OR3A2: variants seen among roughly 807,000 people sequenced by gnomAD.
OR3A2 encodes the protein olfactory receptor family 3 subfamily A member 2.
For missense variants in OR3A2, 318 were observed against 392.8 expected (o/e 0.81, Z 1.61); for synonymous variants, 126 against 159.3 (o/e 0.79, Z 1.57).
intron 3 of OR3A2, among the ~76,000 whole-genome samples, chr17:3,308,319 C>T (rs2049013122): frequency 2.0e-5 from 3 of 152,112 alleles, no homozygotes. Context: ...CCTTTATAAG[C>T]CATCCCCTCT....
intron 2 of OR3A2, among the ~76,000 whole-genome samples, chr17:3,376,962 T>G (rs1368933147): frequency 1.3e-5 from 2 of 152,218 alleles, no homozygotes; most frequent in African/African-American, 4.8e-5. Flanking sequence ...GCTTTAGCTC[T>G]AGGTAAGGTT....
At chr17:3,372,798 T>C (rs1463955632) in intron 2 of OR3A2, among the ~76,000 whole-genome samples, 3 of 144,930 alleles carry the variant, frequency 2.1e-5, no homozygotes, top group African/African-American at 7.7e-5. Flanking sequence ...CGGCTCGGCA[T>C]CAGAGGGAGA....
chr17:3,364,035 C>T (rs762397974), intron 2 of OR3A2, among the ~76,000 whole-genome samples: 2 of 152,106 alleles, frequency 1.3e-5, no homozygotes, highest in Non-Finnish European at 2.9e-5. Context: ...TGGGAGGGGA[C>T]ACAAAGCCAA....
At chr17:3,355,727 C>T (rs2049461510) in intron 2 of OR3A2, among the ~76,000 whole-genome samples, 1 of 151,312 alleles carries the variant, frequency 6.6e-6, no homozygotes, top group Admixed American at 6.6e-5. Context: ...AGTGTGTTTA[C>T]TGTAAGCAAG....
rs7218125 is a variant in OR3A2 at position 3,292,309 on chromosome 17, T to A, written c.-84-13156A>T. ...CAGGCCCCACAGGGAACTGCACGCTTGCGGGACAGGAGACGACTCAACATT... is the reference window on the plus strand; with the variant it reads ...CAGGCCCCACAGGGAACTGCACGCTAGCGGGACAGGAGACGACTCAACATT... On this transcript the variant is annotated intron_variant, in intron 3 of 4. Coordinates refer to the OR3A2 transcript ENST00000573491. 4.0e-3 allele frequency: 6,395 copies of A among 1,613,816 alleles called. 135 individuals carry two copies. The African/African-American group carries it at 0.062, about 16-fold the overall frequency.
At chr17:3,350,637 T>C (rs1264811260) in intron 2 of OR3A2, among the ~76,000 whole-genome samples, 3 of 150,170 alleles carry the variant, frequency 2.0e-5, no homozygotes, top group African/African-American at 4.9e-5. Flanking sequence ...CTTCTGAAAC[T>C]ATTCCAATCA....
At chr17:3,339,452 C>T (rs913583304) in intron 2 of OR3A2, among the ~76,000 whole-genome samples, 24 of 152,168 alleles carry the variant, frequency 1.6e-4, no homozygotes, top group Non-Finnish European at 2.5e-4. Context: ...TACGTTCCAT[C>T]AGTACCTAGC....
chr17:3,277,831 T>C, exon 2 of OR3A2: 1 of 881,952 alleles, frequency 1.1e-6, no homozygotes, highest in Non-Finnish European at 1.8e-6. Flanking sequence ...GGTTTCCTAG[T>C]AGGACAAATA....
chr17:3,350,295 T>G (rs1290858099), intron 2 of OR3A2, among the ~76,000 whole-genome samples: 1 of 150,354 alleles, frequency 6.7e-6, no homozygotes, highest in Non-Finnish European at 1.5e-5. Flanking sequence ...GCAAGACTAA[T>G]AAAGAAAAAA....
chr17:3,287,097 C>T (rs1350291600), upstream of OR3A2, among the ~76,000 whole-genome samples: 1 of 152,106 alleles, frequency 6.6e-6, no homozygotes, highest in Non-Finnish European at 1.5e-5. Context: ...GAAGAATGGG[C>T]CCCAGAGATA....
At chr17:3,300,959 G>A in intron 3 of OR3A2, among the ~76,000 whole-genome samples, 1 of 151,048 alleles carries the variant, frequency 6.6e-6, no homozygotes, top group East Asian at 2.0e-4. Flanking sequence ...TTCTGTCCTT[G>A]TGATAGTTTG....
intron 2 of OR3A2, among the ~76,000 whole-genome samples, chr17:3,348,868 G>A (rs964231656): frequency 6.6e-5 from 10 of 152,090 alleles, no homozygotes; most frequent in African/African-American, 2.4e-4. Flanking sequence ...GAGAGTGGGG[G>A]CCAATATTCA....
At chr17:3,379,791 A>G (rs1397129992) in intron 2 of OR3A2, among the ~76,000 whole-genome samples, 1 of 152,190 alleles carries the variant, frequency 6.6e-6, no homozygotes, top group African/African-American at 2.4e-5. Flanking sequence ...GCCATCCTGC[A>G]TAGAAGGGGC....
intron 2 of OR3A2, among the ~76,000 whole-genome samples, chr17:3,347,434 C>T (rs1471561921): frequency 6.6e-6 from 1 of 152,104 alleles, no homozygotes; most frequent in Non-Finnish European, 1.5e-5. Context: ...GTGATGTTCC[C>T]CTTCCTGTGT....
At chr17:3,332,070 A>G (rs957375478) in intron 3 of OR3A2, among the ~76,000 whole-genome samples, 104 of 152,238 alleles carry the variant, frequency 6.8e-4, no homozygotes, top group Non-Finnish European at 1.3e-3. Context: ...CAGTCTGCCC[A>G]TTCTCAGATC....
chr17:3,355,197 C>G (rs230467), intron 2 of OR3A2, among the ~76,000 whole-genome samples: 101,048 of 151,146 alleles, frequency 0.67, 35,234 homozygotes, highest in East Asian at 1. Flanking sequence ...AATGTTTTAT[C>G]ATTTGTTTTG....
chr17:3,279,188 T>C lies in OR3A2; in HGVS notation c.-6-265A>G, dbSNP rs547586279. The C allele has an allele frequency of 7.5e-4, 423 of 563,372 alleles. 7 individuals are homozygous for C. The South Asian group carries it at 0.011, about 15-fold the overall frequency. The allele number at this position is 563,372 out of a possible 1,614,324, so 34.9% of individuals were successfully genotyped here. A position where few individuals can be genotyped will look rare whatever the true frequency, so the allele number is the denominator to read the frequency against. On this transcript the variant is annotated intron_variant, in intron 1 of 1. Coordinates refer to ENST00000642052, the Ensembl canonical transcript of OR3A2. ...CATGAGAACTATAGTTAATAAAGTG[T>C]ATTGCATTCAGGATTTTTGCTGAGT...
At chr17:3,322,183 A>G (rs957376135) in intron 3 of OR3A2, among the ~76,000 whole-genome samples, 2 of 152,000 alleles carry the variant, frequency 1.3e-5, no homozygotes, top group Admixed American at 6.6e-5. Context: ...GTATTCTCTG[A>G]TGGTAGTTTG....
chr17:3,380,603 A>G (rs1255266256), intron 2 of OR3A2, among the ~76,000 whole-genome samples: 1 of 152,206 alleles, frequency 6.6e-6, no homozygotes, highest in East Asian at 1.9e-4. Context: ...TGAATACATT[A>G]TTGAAGACAA....
Sources: gnomAD v4.1 joint callset for allele counts (sites outside exome capture counted in the v4.1 genomes callset) on GRCh38, gnomAD v4.1.1 for gene constraint, MANE v1.5 for transcripts, NCBI Gene and HGNC (gene_info 2026-07-23, HGNC 2026-07-21) for gene names.